Variants in SMO observed in about 807,000 individuals in gnomAD.
SMO encodes the protein smoothened, frizzled class receptor, also known as protein smoothened.
In SMO, 40 loss-of-function variants were observed where a neutral mutation model predicts 81.6. The observed-to-expected ratio is 0.49, with a 90% CI of 0.38 to 0.64. The LOEUF is 0.64. Among genes scored for constraint, SMO ranks in the 30% least tolerant of loss-of-function variants. SMO has a pLI of 0.00. For missense variants in SMO, 916 were observed against 1,061.1 expected (o/e 0.86, Z 1.90); for synonymous variants, 434 against 432.1 (o/e 1.00, Z -0.05).
chr7:129,212,670 G>C lies in SMO; in HGVS notation c.*219G>C, dbSNP rs41274236. ...GCCTCACCCCAGGGACAGGGCCCTG[G>C]AGCTCAGGGTCCTTGTTTCTGCCCT... On this transcript the variant is annotated 3_prime_UTR_variant, in exon 12 of 12. Coordinates refer to ENST00000249373, the MANE Select transcript of SMO (RefSeq NM_005631.5). The surrounding 1 kb of genome is among the most constrained non-coding windows in gnomAD (Gnocchi z 5.0). 1 of 580,464 alleles carries C rather than the reference G, an allele frequency of 1.7e-6. No homozygotes were observed. Among genetic ancestry groups the C allele is most frequent in the Non-Finnish European group, 3.0e-6 (1 of 328,084 alleles). The allele number at this position is 580,464 out of a possible 1,614,324, so 36.0% of individuals were successfully genotyped here.
At chr7:129,193,681 C>T (rs1158162214) in intron 1 of SMO, among the ~76,000 whole-genome samples, 1 of 137,366 alleles carries the variant, frequency 7.3e-6, no homozygotes, top group East Asian at 2.4e-4. Context: ...ATGGCGGGAA[C>T]CCGGGAGGCA....
At position 129,212,060 on chromosome 7, in the gene SMO, A is replaced by G. The variant is rs2150656339; in HGVS notation, c.1973A>G (p.Glu658Gly). Residue 658 changes from glutamate (E) to glycine (G), a missense_variant, in exon 12 of 12, where the codon GAG (glutamate) becomes GGG (glycine). Glu to Gly is a moderately conservative substitution (Grantham distance 98, BLOSUM62 -2). Around this residue, in one of 4 missense-constraint regions of SMO, gnomAD observed 324 missense variants for 312.9 expected, o/e 1.04. Transcript: ENST00000249373. The surrounding 1 kb of genome is among the most constrained non-coding windows in gnomAD (Gnocchi z 5.0). Reference sequence around the variant, plus strand: ...GAACAAGCCAACCTGTGGCTGGTTGAGGCAGAGATCTCCCCAGAGCTGCAG... The same window carrying G: ...GAACAAGCCAACCTGTGGCTGGTTGGGGCAGAGATCTCCCCAGAGCTGCAG... Reference protein sequence around the residue: ...PEEQANLWLVEAEISPELQKR... With the variant: ...PEEQANLWLVGAEISPELQKR... 1 of 1,588,762 alleles carries G rather than the reference A, an allele frequency of 6.3e-7. No homozygotes were observed. The highest frequency in any genetic ancestry group is 8.5e-7 in the Non-Finnish European group (1 of 1,173,618).
In SMO at chr7:129,208,436, G is replaced by A. The variant is rs1166008525; in HGVS notation, c.1265-323G>A. Among the ~76,000 whole-genome samples the A allele has an allele frequency of 8.0e-6, 1 of 125,136 alleles. No homozygotes were observed. Among genetic ancestry groups the A allele is most frequent in the Non-Finnish European group, 1.7e-5 (1 of 58,610 alleles). The allele number at this position is 125,136 out of a possible 152,430, so 82.1% of individuals were successfully genotyped here. A position where few individuals can be genotyped will look rare whatever the true frequency, so the allele number is the denominator to read the frequency against. On this transcript the variant is annotated intron_variant, in intron 6 of 11. Coordinates refer to ENST00000249373, the MANE Select transcript of SMO (RefSeq NM_005631.5). The surrounding 1 kb of genome is among the most constrained non-coding windows in gnomAD (Gnocchi z 5.2). ...ATTGCACTCCAGCCTGGGCGACAGG[G>A]TTCCATCTCAAAAAAAAAATTATAT...
At position 129,212,155 on chromosome 7, in the gene SMO, G is replaced by A. The variant is rs1793883507; in HGVS notation, c.2068G>A (p.Glu690Lys). Reference sequence around the variant, plus strand: ...GGTGTGCCCGCTGGCGCCGCCCCCTGAGCTTCACCCCCCTGCCCCTGCCCC... The same window carrying A: ...GGTGTGCCCGCTGGCGCCGCCCCCTAAGCTTCACCCCCCTGCCCCTGCCCC... Reference protein sequence around the residue: ...KEVCPLAPPPELHPPAPAPST... With the variant: ...KEVCPLAPPPKLHPPAPAPST... Residue 690 changes from glutamate to lysine, a missense_variant, in exon 12 of 12, where the codon GAG becomes AAG. This residue lies in a region of SMO where 324 missense variants were observed against 312.9 expected (regional missense o/e 1.04). Transcript: ENST00000249373. This position sits in a 1 kb window ranked among gnomAD's most constrained non-coding sequence, Gnocchi z 5.0. 2.6e-6 allele frequency: 4 copies of A among 1,556,470 alleles called. No homozygotes were observed. Among genetic ancestry groups the A allele is most frequent in the Non-Finnish European group, 3.5e-6 (4 of 1,150,034 alleles).
At position 129,212,406 on chromosome 7, in the gene SMO, C is replaced by T. The variant is rs2150657296; in HGVS notation, c.2319C>T (p.Thr773=). ...GCCTGGGGCCTATTCACTCCCGCAC[C>T]AACCTGATGGACACAGAACTCATGG... The part of the protein sequence containing the change: ...RQGLGPIHSR[T]NLMDTELMDA... The change falls in exon 12 of 12, where the codon ACC becomes ACT. Residue 773 remains threonine, a synonymous_variant. Coordinates refer to ENST00000249373, the MANE Select transcript of SMO (RefSeq NM_005631.5). The surrounding 1 kb of genome is among the most constrained non-coding windows in gnomAD (Gnocchi z 5.0). 1 of 1,614,000 alleles carries T rather than the reference C, an allele frequency of 6.2e-7. No homozygotes were observed. The highest frequency in any genetic ancestry group is 1.3e-5 in the African/African-American group (1 of 75,072).
At position 129,205,690 on chromosome 7, in the gene SMO, G is replaced by T. The variant is rs2150649192; in HGVS notation, c.828G>T (p.Val276=). The T allele has an allele frequency of 6.2e-7, 1 of 1,613,670 alleles. No homozygotes were observed. Reference sequence around the variant, plus strand: ...TCTACGTCAATGCGTGCTTCTTTGTGGGCAGCATTGGCTGGCTGGCCCAGT... The same window carrying T: ...TCTACGTCAATGCGTGCTTCTTTGTTGGCAGCATTGGCTGGCTGGCCCAGT... ...ILFYVNACFF[V]GSIGWLAQFM... is the part of the protein sequence containing the mutation. Residue 276 remains valine, a synonymous_variant, in exon 4 of 12, where the codon GTG becomes GTT. Coordinates refer to ENST00000249373, the MANE Select transcript of SMO (RefSeq NM_005631.5).
At chr7:129,204,057 T>A (rs1793717552) in intron 2 of SMO, among the ~76,000 whole-genome samples, 1 of 152,134 alleles carries the variant, frequency 6.6e-6, no homozygotes, top group African/African-American at 2.4e-5. Context: ...CAAATGCCAT[T>A]ATAATAAGCT....
rs1478369795 is a variant in SMO at position 129,210,280 on chromosome 7, G to A, written c.1467-83G>A. The A allele has an allele frequency of 8.3e-7, 1 of 1,208,190 alleles. No individual in the cohort carries two copies. The highest frequency in any genetic ancestry group is 2.3e-5 in the East Asian group (1 of 42,592). 74.8% of individuals were successfully genotyped at this position (1,208,190 alleles called of 1,614,324 possible). A position where few individuals can be genotyped will look rare whatever the true frequency, so the allele number is the denominator to read the frequency against. On this transcript the variant is annotated intron_variant, in intron 8 of 11. Coordinates refer to ENST00000249373, the MANE Select transcript of SMO (RefSeq NM_005631.5). The surrounding 1 kb of genome is among the most constrained non-coding windows in gnomAD (Gnocchi z 4.7). ...TGATCACGCCACCGCACTCTAGCCT[G>A]GGTGACAGAGCAAGATCCTATCTCA...
At chr7:129,203,283 A>T (rs1340378736) in intron 1 of SMO, 101 bp from the exon 2 acceptor site, 8 of 853,594 alleles carry the variant, frequency 9.4e-6, no homozygotes, top group Non-Finnish European at 1.3e-5. Flanking sequence ...CTGACCAGTG[A>T]TGGGCTGCAG....
chr7:129,208,951 CA>C lies in SMO; in HGVS notation c.1357+102del, dbSNP rs1793818515. ...GGCAGGATGCAGTAAGTCAGTGGGA[CA>C]AGTTAGCCATAGGGACAAGGACAAG... On this transcript the variant is annotated intron_variant, in intron 7 of 11. Coordinates refer to ENST00000249373, the MANE Select transcript of SMO (RefSeq NM_005631.5). This position sits in a 1 kb window ranked among gnomAD's most constrained non-coding sequence, Gnocchi z 5.2. The C allele has an allele frequency of 6.2e-6, 5 of 804,204 alleles. No individual in the cohort carries two copies. In the Admixed American group the frequency reaches 1.0e-4, roughly 16 times the overall value. The allele number at this position is 804,204 out of a possible 1,614,324, so 49.8% of individuals were successfully genotyped here. A position where few individuals can be genotyped will look rare whatever the true frequency, so the allele number is the denominator to read the frequency against.
rs1563151976 is a variant in SMO at position 129,211,965 on chromosome 7, GCGGGGGTGGCA to G, written c.1937-58_1937-48del. The G allele has an allele frequency of 5.3e-6, 8 of 1,497,738 alleles. No individual in the cohort carries two copies. The East Asian group carries it at 1.4e-4, about 27-fold the overall frequency. 92.8% of individuals were successfully genotyped at this position (1,497,738 alleles called of 1,614,324 possible). On this transcript the variant is annotated intron_variant, in intron 11 of 11. Transcript: ENST00000249373. The surrounding 1 kb of genome is among the most constrained non-coding windows in gnomAD (Gnocchi z 4.6). ...TAACAGGTTAAGTGCTCCCAGGGGA[GCGGGGGTGGCA>G]TGGACAGAGCCAGGGCCCCAGGCTC...
chr7:129,200,392 G>A (rs932180131), intron 1 of SMO, among the ~76,000 whole-genome samples: 1 of 152,036 alleles, frequency 6.6e-6, no homozygotes, highest in Non-Finnish European at 1.5e-5. Flanking sequence ...CTGCACTCCA[G>A]CCTGGGCGAC....
At chr7:129,207,422 C>T (rs1261766370) in intron 6 of SMO, among the ~76,000 whole-genome samples, 1 of 152,204 alleles carries the variant, frequency 6.6e-6, no homozygotes, top group African/African-American at 2.4e-5. Flanking sequence ...TAGTAAGCCT[C>T]AGCATCTATT....
intron 4 of SMO, 43 bp downstream of exon 4, chr7:129,205,825 GGCTGAAGTGT>G (rs1244629465): frequency 6.4e-7 from 1 of 1,570,410 alleles, no homozygotes. Flanking sequence ...CAGGGAGGAA[GGCTGAAGTGT>G]GCGTTTACCC....
intron 3 of SMO, 94 bp downstream of exon 3, chr7:129,205,506 C>A (rs1793749500): frequency 2.0e-6 from 3 of 1,524,742 alleles, no homozygotes; most frequent in Non-Finnish European, 2.7e-6. Flanking sequence ...TGGTGGGGGT[C>A]CCCAGGGAAG....
rs750839968 is a variant in SMO, at chr7:129,211,861, G to A, written c.1936+91G>A. 7.2e-6 allele frequency: 11 copies of A among 1,529,910 alleles called. No homozygotes were observed. In the Admixed American group the frequency reaches 1.5e-4, roughly 21 times the overall value. The allele number at this position is 1,529,910 out of a possible 1,614,324, so 94.8% of individuals were successfully genotyped here. On this transcript the variant is annotated intron_variant, in intron 11 of 11. Transcript: ENST00000249373. This position sits in a 1 kb window ranked among gnomAD's most constrained non-coding sequence, Gnocchi z 4.6. Reference sequence around the variant, plus strand: ...GAGTACAGGGGCTGTCGGAGGAGGAGGAAGAGGAAGGAAAGGCCCCAGAGG... The same window carrying A: ...GAGTACAGGGGCTGTCGGAGGAGGAAGAAGAGGAAGGAAAGGCCCCAGAGG...
At position 129,205,713 on chromosome 7, in the gene SMO, A is replaced by G. The variant is rs1584661962; in HGVS notation, c.851A>G (p.Gln284Arg). 1.9e-6 allele frequency: 3 copies of G among 1,612,964 alleles called. No homozygotes were observed. Among genetic ancestry groups the G allele is most frequent in the Non-Finnish European group, 2.5e-6 (3 of 1,180,016 alleles). ...GTGGGCAGCATTGGCTGGCTGGCCC[A>G]GTTCATGGATGGTGCCCGCCGAGAG... The part of the protein sequence containing the change: ...FFVGSIGWLA[Q>R]FMDGARREIV... The change falls in exon 4 of 12, where the codon CAG (glutamine) becomes CGG (arginine). Residue 284 changes from glutamine to arginine, a missense_variant. By Grantham distance (43) the Gln-to-Arg change is conservative. Coordinates refer to ENST00000249373, the MANE Select transcript of SMO (RefSeq NM_005631.5).
At chr7:129,209,059 C>T (rs992836143) in intron 7 of SMO, 15 of 614,932 alleles carry the variant, frequency 2.4e-5, no homozygotes, top group Admixed American at 5.4e-5. Context: ...AAGTTCATGC[C>T]GGGACTGGTT....
chr7:129,206,472 G>A lies in SMO; in HGVS notation c.1149G>A (p.Gly383=), dbSNP rs1174282882. The A allele has an allele frequency of 1.2e-6, 2 of 1,614,086 alleles. No individual in the cohort carries two copies. The highest frequency in any genetic ancestry group is 1.7e-6 in the Non-Finnish European group (2 of 1,179,962). The change falls in exon 6 of 12, where the codon GGG becomes GGA. Residue 383 remains glycine, a synonymous_variant. Transcript: ENST00000249373. This position sits in a 1 kb window ranked among gnomAD's most constrained non-coding sequence, Gnocchi z 4.4. ...VAILAVAQVD[G]DSVSGICFVG... ...ACCCCTTCCTGCTGCAGGTGGATGG[G>A]GACTCTGTGAGTGGGATTTGTTTTG...
Sources: allele counts gnomAD v4.1 joint callset (sites outside exome capture counted in the v4.1 genomes callset), GRCh38; gene constraint gnomAD v4.1.1; regional missense constraint gnomAD v4.1.1; non-coding constraint Gnocchi (gnomAD v3.1); transcripts MANE v1.5; gene names NCBI Gene and HGNC (gene_info 2026-07-23, HGNC 2026-07-21).